Variants in LBR observed in about 807,000 individuals in gnomAD.
LBR encodes delta(14)-sterol reductase LBR.
A neutral mutation model predicts 74.3 loss-of-function variants in LBR; 28 were observed. That is an observed-to-expected ratio of 0.38 (90% confidence interval 0.28 to 0.52). LBR has a LOEUF of 0.52. LBR is among the 20% of genes least tolerant of loss of function. LBR has a pLI of 0.89. For synonymous variants in LBR, 228 were observed against 269.3 expected (o/e 0.85, Z 1.50); for missense variants, 717 against 760.3 (o/e 0.94, Z 0.67).
chr1:225,414,008 C>T (rs754162206), intron 7 of LBR: 228 of 456,600 alleles, frequency 5.0e-4, no homozygotes, highest in Middle Eastern at 1.6e-3. Context: ...AAGGACCTGG[C>T]GGCAAAGTCA....
At position 225,410,369 on chromosome 1, in the gene LBR, G is replaced by A. The variant is rs1024360515; in HGVS notation, c.1236C>T (p.Asp412=). 6.2e-7 allele frequency: 1 copy of A among 1,614,154 alleles called. No individual in the cohort carries two copies. Among genetic ancestry groups the A allele is most frequent in the East Asian group, 2.2e-5 (1 of 44,880 alleles). ...VMLLAEMKIQ[D]RAVPSLAMIL... is the part of the protein sequence containing the mutation. ...TCATGGCCAAGGATGGAACAGCGCG[G>A]TCCTGTATTTTCATTTCAGCCAAAA... is the stretch of plus-strand genomic sequence containing the variant. The change falls in exon 10 of 14, where the codon GAC becomes GAT. Residue 412 remains aspartate, a synonymous_variant. Coordinates refer to ENST00000272163, the MANE Select transcript of LBR (RefSeq NM_002296.4).
chr1:225,419,619 T>C (rs2096123949), intron 4 of LBR, 96 bp downstream of exon 4: 2 of 1,076,370 alleles, frequency 1.9e-6, no homozygotes, highest in East Asian at 4.7e-5. Context: ...GGTTATAAAA[T>C]ATTACAATTT....
chr1:225,411,469 A>G, intron 8 of LBR, 29 bp from the exon 9 acceptor site: 1 of 1,540,250 alleles, frequency 6.5e-7, no homozygotes, highest in Non-Finnish European at 9.0e-7. Flanking sequence ...TTACCCAAAC[A>G]GCATTCCAAA....
chr1:225,421,954 C>T (rs977695944), intron 3 of LBR, 123 bp downstream of exon 3: 6 of 965,206 alleles, frequency 6.2e-6, no homozygotes, highest in Non-Finnish European at 9.4e-6. Context: ...ATGAAAACTC[C>T]CAAAGTCATC....
chr1:225,409,124 A>G (rs2096098931), intron 10 of LBR, among the ~76,000 whole-genome samples: 1 of 151,658 alleles, frequency 6.6e-6, no homozygotes, highest in South Asian at 2.1e-4. Context: ...TTTCAAAAAC[A>G]TGTTTAATTT....
Position 225,411,418 on chromosome 1 carries a change from G to A in LBR, c.1107C>T (p.Phe369=). 2 of 1,613,754 alleles carry A rather than the reference G, an allele frequency of 1.2e-6. No individual in the cohort carries two copies. Among genetic ancestry groups the A allele is most frequent in the Non-Finnish European group, 1.7e-6 (2 of 1,179,618 alleles). The part of the protein sequence containing the change: ...ASSGNAVYDF[F]IGRELNPRIG... ...TTCGAGGGTTTAATTCACGGCCAAT[G>A]AAGAAATCATAGACAGCATTTCCTG... is the stretch of plus-strand genomic sequence containing the variant. Residue 369 remains phenylalanine, a synonymous_variant, in exon 9 of 14, where the codon TTC becomes TTT. Transcript: ENST00000272163.
chr1:225,422,428 G>A (rs1458763765), intron 2 of LBR, 151 bp from the exon 3 acceptor site: 9 of 677,978 alleles, frequency 1.3e-5, no homozygotes, highest in Non-Finnish European at 1.8e-5. Context: ...TGGATCAGAT[G>A]AAGCCAATGG....
chr1:225,421,232 G>A (rs570058058), intron 3 of LBR, among the ~76,000 whole-genome samples: 3 of 152,336 alleles, frequency 2.0e-5, no homozygotes, highest in Non-Finnish European at 2.9e-5. Context: ...AGTGGCTCAC[G>A]CCTGTAATCC....
At chr1:225,427,668 G>A (rs978207671) in intron 1 of LBR, 1 of 152,330 alleles carries the variant, frequency 6.6e-6, no homozygotes, top group Admixed American at 6.5e-5. Flanking sequence ...CCAACATGGA[G>A]GGAAACGTCC....
intron 1 of LBR, among the ~76,000 whole-genome samples, chr1:225,426,887 T>C (rs2096140238): frequency 1.3e-5 from 2 of 152,242 alleles, no homozygotes; most frequent in South Asian, 4.1e-4. Context: ...CTTCTCCCTC[T>C]TCCCAGGCAG....
In LBR at chr1:225,403,280, T is replaced by C; in HGVS notation, c.*23A>G. ...ATGGCAGCTGGAATTGCAGGAGTAT[T>C]TTGTAGAAAAGCCAGAAGAGCATTA... is the stretch of plus-strand genomic sequence containing the variant. On this transcript the variant is annotated 3_prime_UTR_variant, in exon 14 of 14. Coordinates refer to ENST00000272163, the MANE Select transcript of LBR (RefSeq NM_002296.4). 1 of 1,611,788 alleles carries C rather than the reference T, an allele frequency of 6.2e-7. No homozygotes were observed. The highest frequency in any genetic ancestry group is 8.5e-7 in the Non-Finnish European group (1 of 1,177,918).
chr1:225,405,932 C>T (rs1269473544), intron 11 of LBR, among the ~76,000 whole-genome samples: 1 of 152,194 alleles, frequency 6.6e-6, no homozygotes, highest in African/African-American at 2.4e-5. Flanking sequence ...CTAATTTTCC[C>T]TGCCCAACCT....
intron 10 of LBR, among the ~76,000 whole-genome samples, chr1:225,407,428 G>A (rs2096094384): frequency 1.3e-5 from 2 of 152,098 alleles, no homozygotes; most frequent in South Asian, 4.2e-4. Flanking sequence ...TTCATAATCT[G>A]GCATTTCATG....
At chr1:225,412,755 C>A in intron 7 of LBR, 110 bp from the exon 8 acceptor site, 1 of 989,294 alleles carries the variant, frequency 1.0e-6, no homozygotes, top group East Asian at 2.6e-5. Context: ...GTCTTAATTT[C>A]ATTATTCAGA....
intron 2 of LBR, 172 bp from the exon 3 acceptor site, chr1:225,422,449 C>A: frequency 1.6e-6 from 1 of 638,726 alleles, no homozygotes; most frequent in Non-Finnish European, 2.8e-6. Context: ...AAAATGCTTT[C>A]ATAATGATCC....
At position 225,423,843 on chromosome 1, in the gene LBR, A is replaced by G. The variant is rs2096133335; in HGVS notation, c.165+68T>C. 3.4e-6 allele frequency: 5 copies of G among 1,459,762 alleles called. No individual in the cohort carries two copies. In the South Asian group the frequency reaches 5.7e-5, roughly 17 times the overall value. The allele number at this position is 1,459,762 out of a possible 1,614,324, so 90.4% of individuals were successfully genotyped here. On this transcript the variant is annotated intron_variant, in intron 2 of 13. Transcript: ENST00000272163. ...GAGCTGAACTGACTATCCTGAGCTT[A>G]GAAACCATACTTAGAGTTATTTCCC...
chr1:225,411,297 C>A (rs2096104810), intron 9 of LBR, 40 bp downstream of exon 9: 1 of 1,365,992 alleles, frequency 7.3e-7, no homozygotes, highest in African/African-American at 1.4e-5. Context: ...TTAATTAGAC[C>A]TATTGAATTG....
rs2096082729 is a variant in LBR at position 225,401,980 on chromosome 1, C to G, written c.*1323G>C. 6.6e-6 allele frequency: 1 copy of G among 152,122 alleles called. No homozygotes were observed. The highest frequency in any genetic ancestry group is 2.4e-5 in the African/African-American group (1 of 41,400). The allele number at this position is 152,122 out of a possible 1,614,324, so 9.4% of individuals were successfully genotyped here. ...CATACACACTATGTTTATTACATTC[C>G]CCTACATTGAAAGTACTGAGAACAA... On this transcript the variant is annotated 3_prime_UTR_variant, in exon 14 of 14. Transcript: ENST00000272163.
intron 3 of LBR, among the ~76,000 whole-genome samples, chr1:225,420,492 A>C (rs1213688066): frequency 6.6e-6 from 1 of 152,170 alleles, no homozygotes; most frequent in Admixed American, 6.5e-5. Flanking sequence ...AATAGCCCAT[A>C]ATGGAAAACT....
Sources: gnomAD v4.1 joint callset for allele counts (sites outside exome capture counted in the v4.1 genomes callset) on GRCh38, gnomAD v4.1.1 for gene constraint, MANE v1.5 for transcripts, NCBI Gene and HGNC (gene_info 2026-07-23, HGNC 2026-07-21) for gene names.